NARS2: variants seen among roughly 807,000 people sequenced by gnomAD.
The protein encoded by NARS2 is asparaginyl-tRNA synthetase.
Under a neutral mutation model 62.9 loss-of-function variants are expected in NARS2, and 60 were observed. That is an observed-to-expected ratio of 0.95 (90% CI 0.77 to 1.18). The LOEUF is 1.18. Ranked by LOEUF, NARS2 falls within the 50% of genes most tolerant of loss-of-function variation. The probability of loss-of-function intolerance (pLI) is 0.00; values close to 1 mark genes in which losing one functional copy is unlikely to be tolerated. For missense variants in NARS2, 619 were observed against 576.4 expected, an observed-to-expected ratio of 1.07 and a Z score of -0.76; for synonymous variants, 196 against 200.0, an observed-to-expected ratio of 0.98 and a Z score of 0.17.
intron 5 of NARS2, among the ~76,000 whole-genome samples, chr11:78,538,245 G>A (rs1256932129): frequency 1.3e-5 from 2 of 152,052 alleles, no homozygotes; most frequent in African/African-American, 4.8e-5. Context: ...TATCCATGAG[G>A]CCTTCTTACT....
At position 78,436,682 on chromosome 11, in the gene NARS2, T is replaced by C. The variant is rs1440217287; in HGVS notation, c.1422A>G (p.Ser474=). The change falls in exon 14 of 14, where the codon TCA becomes TCG. Residue 474 remains serine, a synonymous_variant. Coordinates refer to ENST00000281038, the MANE Select transcript of NARS2 (RefSeq NM_024678.6). ...ACCAATCTTCCAGCTATAAAAGGCATGAATGAGGAAACCTTGGGAAAGGGA... is the reference window on the plus strand; with the variant it reads ...ACCAATCTTCCAGCTATAAAAGGCACGAATGAGGAAACCTTGGGAAAGGGA... ...DVIPFPRFPH[S]CLL is the part of the protein sequence containing the mutation. 3.1e-6 allele frequency: 5 copies of C among 1,614,134 alleles called. No individual in the cohort carries two copies. In the African/African-American group the frequency reaches 5.3e-5, roughly 17 times the overall value.
rs752308644 is a variant in NARS2, at chr11:78,441,106, G to T, written c.1274C>A (p.Thr425Lys). ...LEERLARSGL[T>K]EVYQWYLDLR... ...ACATTCTTACCATTGGTAGACTTCT[G>T]TAAGTCCCGATCTGTTTAAAGGAAA... The change falls in exon 13 of 14, where the codon ACA becomes AAA. Residue 425 changes from threonine (T) to lysine (K), a missense_variant. Physicochemically the swap from Thr to Lys is moderately conservative, Grantham distance 78 (BLOSUM62 -1). Transcript: ENST00000281038. The T allele has an allele frequency of 1.2e-6, 2 of 1,612,294 alleles. No homozygotes were observed. The highest frequency in any genetic ancestry group is 1.7e-6 in the Non-Finnish European group (2 of 1,179,174).
intron 11 of NARS2, among the ~76,000 whole-genome samples, chr11:78,455,645 C>T (rs1858132682): frequency 6.6e-6 from 1 of 152,084 alleles, no homozygotes. Context: ...TATCCAGGAA[C>T]AAAACCCAAG....
At chr11:78,471,152 C>T (rs1858855291) in intron 9 of NARS2, among the ~76,000 whole-genome samples, 1 of 151,994 alleles carries the variant, frequency 6.6e-6, no homozygotes, top group Admixed American at 6.6e-5. Flanking sequence ...ATGGTGGTGG[C>T]AGTGGTGTTG....
chr11:78,470,482 A>C (rs1858822496), intron 9 of NARS2, among the ~76,000 whole-genome samples: 2 of 152,150 alleles, frequency 1.3e-5, no homozygotes, highest in African/African-American at 2.4e-5. Context: ...CCTTTTTTAC[A>C]GATGTCATAC....
At chr11:78,481,153 AAACC>A (rs1197700807) in intron 7 of NARS2, among the ~76,000 whole-genome samples, 2 of 152,184 alleles carry the variant, frequency 1.3e-5, no homozygotes, top group African/African-American at 2.4e-5. Context: ...AATATAAGGT[AAACC>A]ACTAAAATAA....
intron 9 of NARS2, among the ~76,000 whole-genome samples, chr11:78,472,296 T>C (rs1441314779): frequency 6.6e-6 from 1 of 152,150 alleles, no homozygotes; most frequent in Non-Finnish European, 1.5e-5. Context: ...AAAAACACTG[T>C]GGTAGAGAAT....
At chr11:78,528,753 T>G in intron 6 of NARS2, 89 bp downstream of exon 6, 1 of 843,592 alleles carries the variant, frequency 1.2e-6, no homozygotes, top group South Asian at 1.5e-5. Flanking sequence ...TAAAGACTAA[T>G]TTCAACTTTT....
At chr11:78,485,074 T>C (rs1859513965) in intron 7 of NARS2, among the ~76,000 whole-genome samples, 2 of 152,234 alleles carry the variant, frequency 1.3e-5, no homozygotes, top group South Asian at 4.1e-4. Flanking sequence ...AATGAGTTCG[T>C]GTCCTTTGCA....
At chr11:78,545,379 G>A (rs1275460438) in intron 5 of NARS2, among the ~76,000 whole-genome samples, 4 of 151,944 alleles carry the variant, frequency 2.6e-5, no homozygotes, top group Admixed American at 2.0e-4. Flanking sequence ...TCCTATGCTC[G>A]ATCCATACCT....
chr11:78,574,576 C>T lies in NARS2; in HGVS notation c.-88G>A. The T allele has an allele frequency of 7.0e-7, 1 of 1,424,386 alleles. No homozygotes were observed. The highest frequency in any genetic ancestry group is 9.3e-7 in the Non-Finnish European group (1 of 1,075,124). The allele number at this position is 1,424,386 out of a possible 1,614,324, so 88.2% of individuals were successfully genotyped here. A position where few individuals can be genotyped will look rare whatever the true frequency, so the allele number is the denominator to read the frequency against. ...AGCGGCCCTCCTTTCTCAGCTGCTC[C>T]CCTTCCGCGGCCGCAGCTCTGCTCT... is the stretch of plus-strand genomic sequence containing the variant. On this transcript the variant is annotated 5_prime_UTR_variant, in exon 1 of 14. Coordinates refer to ENST00000281038, the MANE Select transcript of NARS2 (RefSeq NM_024678.6).
chr11:78,570,598 T>C (rs779762445), intron 2 of NARS2, among the ~76,000 whole-genome samples: 3 of 152,208 alleles, frequency 2.0e-5, no homozygotes, highest in Non-Finnish European at 2.9e-5. Flanking sequence ...ATATCTAGAC[T>C]GGTCTTAACT....
At chr11:78,486,675 A>G (rs910744242) in intron 7 of NARS2, among the ~76,000 whole-genome samples, 6 of 152,228 alleles carry the variant, frequency 3.9e-5, no homozygotes, top group African/African-American at 1.4e-4. Context: ...CCAGAGTGTC[A>G]GAACACAACA....
At chr11:78,441,261 G>T in intron 12 of NARS2, 144 bp from the exon 13 acceptor site, 1 of 640,960 alleles carries the variant, frequency 1.6e-6, no homozygotes, top group Non-Finnish European at 2.6e-6. Flanking sequence ...ACTCAATATA[G>T]TTGAGGAGCT....
At chr11:78,527,282 A>G (rs1861327238) in intron 6 of NARS2, among the ~76,000 whole-genome samples, 1 of 152,196 alleles carries the variant, frequency 6.6e-6, no homozygotes, top group Non-Finnish European at 1.5e-5. Context: ...TAATCAACTG[A>G]ATGAAAACTT....
intron 9 of NARS2, among the ~76,000 whole-genome samples, chr11:78,470,643 C>T (rs1171217528): frequency 6.6e-6 from 1 of 152,094 alleles, no homozygotes; most frequent in Admixed American, 6.6e-5. Flanking sequence ...ATTTCACGTT[C>T]TAATCTTTTG....
At chr11:78,569,944 C>CTGA in intron 2 of NARS2, among the ~76,000 whole-genome samples, 1 of 152,092 alleles carries the variant, frequency 6.6e-6, no homozygotes, top group Non-Finnish European at 1.5e-5. Context: ...ATCCCAGCAC[C>CTGA]TTGGGAGGCT....
Position 78,574,626 on chromosome 11 carries a change from G to A in NARS2, c.-138C>T. On this transcript the variant is annotated 5_prime_UTR_variant, in exon 1 of 14. Coordinates refer to ENST00000281038, the MANE Select transcript of NARS2 (RefSeq NM_024678.6). ...TAAGGCACTCCAGAGCCCCTCGGCTGCGCGCTTTCTCCTTCAGGACTCCCA... is the reference window on the plus strand; with the variant it reads ...TAAGGCACTCCAGAGCCCCTCGGCTACGCGCTTTCTCCTTCAGGACTCCCA... 1 of 939,512 alleles carries A rather than the reference G, an allele frequency of 1.1e-6. No homozygotes were observed. Among genetic ancestry groups the A allele is most frequent in the Non-Finnish European group, 1.5e-6 (1 of 648,394 alleles). 58.2% of individuals were successfully genotyped at this position (939,512 alleles called of 1,614,324 possible).
At chr11:78,476,111 G>C (rs1009101473) in intron 9 of NARS2, among the ~76,000 whole-genome samples, 10 of 152,196 alleles carry the variant, frequency 6.6e-5, no homozygotes, top group Non-Finnish European at 5.9e-5. Flanking sequence ...CTGCCCTGTA[G>C]GGGCTCAAAC....
Sources: gnomAD v4.1 joint callset for allele counts (sites outside exome capture counted in the v4.1 genomes callset) on GRCh38, gnomAD v4.1.1 for gene constraint, MANE v1.5 for transcripts, NCBI Gene and HGNC (gene_info 2026-07-23, HGNC 2026-07-21) for gene names.